JAZF1: variants seen among roughly 807,000 people sequenced by gnomAD.
JAZF1 encodes JAZF zinc finger 1.
A neutral mutation model predicts 26.4 loss-of-function variants in JAZF1; 8 were observed. The ratio of observed to expected loss-of-function variants is 0.30; its 90% CI spans 0.18 to 0.55. The LOEUF is 0.55. Ranked by LOEUF, JAZF1 falls within the 20% of genes least tolerant of loss-of-function variation. JAZF1 has a pLI of 0.94. For synonymous variants in JAZF1, 126 were observed against 122.3 expected, an observed-to-expected ratio of 1.03 and a Z score of -0.20; for missense variants, 199 against 322.0, an observed-to-expected ratio of 0.62 and a Z score of 2.92.
At chr7:27,936,166 C>T (rs1183029856) in intron 2 of JAZF1, among the ~76,000 whole-genome samples, 1 of 152,116 alleles carries the variant, frequency 6.6e-6, no homozygotes, top group African/African-American at 2.4e-5. Flanking sequence ...TTTTTTTCTT[C>T]CCCTTTACTT....
intron 1 of JAZF1, among the ~76,000 whole-genome samples, chr7:28,158,019 T>C (rs1349784377): frequency 2.0e-5 from 3 of 152,046 alleles, no homozygotes; most frequent in African/African-American, 7.2e-5. Context: ...ATTCTCTCTT[T>C]ATCTCTGCAT....
intron 3 of JAZF1, among the ~76,000 whole-genome samples, chr7:27,886,937 C>G (rs924703846): frequency 5.9e-5 from 9 of 152,148 alleles, no homozygotes; most frequent in Non-Finnish European, 1.2e-4. Context: ...AGAATGAGAT[C>G]ATGTACTTTG....
rs371682998 is a variant in JAZF1 at position 27,885,775 on chromosome 7, G to GT, written c.385+9444dup. Reference sequence around the variant, plus strand: ...ATCTCCTTCCTGAAAATTTATCCATGTCCAGAGCAGTCATTAGCAAATACC... The same window carrying GT: ...ATCTCCTTCCTGAAAATTTATCCATGTTCCAGAGCAGTCATTAGCAAATACC... On this transcript the variant is annotated intron_variant, in intron 3 of 4. Coordinates refer to ENST00000283928, the MANE Select transcript of JAZF1 (RefSeq NM_175061.4). 3.7e-3 allele frequency among the ~76,000 whole-genome samples: 562 copies of GT among 151,964 alleles called. 3 individuals are homozygous for GT. Among genetic ancestry groups the GT allele is most frequent in the African/African-American group, 0.013 (539 of 41,444 alleles).
chr7:28,033,321 A>C (rs1783225380), intron 1 of JAZF1, among the ~76,000 whole-genome samples: 1 of 152,170 alleles, frequency 6.6e-6, no homozygotes, highest in African/African-American at 2.4e-5. Flanking sequence ...GTGGATAAAG[A>C]CTTGAGGCTG....
chr7:27,890,627 T>A (rs964624546), intron 3 of JAZF1, among the ~76,000 whole-genome samples: 4 of 152,214 alleles, frequency 2.6e-5, no homozygotes, highest in African/African-American at 9.7e-5. Flanking sequence ...TAAGCCTCTA[T>A]TTCTTATCTG....
chr7:27,993,446 A>G (rs868226022), intron 1 of JAZF1, among the ~76,000 whole-genome samples: 1 of 152,236 alleles, frequency 6.6e-6, no homozygotes, highest in African/African-American at 2.4e-5. Context: ...GCAGTTTTCA[A>G]ACGTAACTCT....
chr7:28,100,738 G>A (rs748517062), intron 1 of JAZF1, among the ~76,000 whole-genome samples: 5 of 151,100 alleles, frequency 3.3e-5, no homozygotes, highest in Admixed American at 1.3e-4. Flanking sequence ...CCATCCATAT[G>A]CACTGCTTTA....
intron 1 of JAZF1, among the ~76,000 whole-genome samples, chr7:28,011,456 G>A (rs1431469193): frequency 6.6e-6 from 1 of 152,178 alleles, no homozygotes; most frequent in African/African-American, 2.4e-5. Context: ...TTCACGCAAG[G>A]ACTTCTGAAC....
chr7:28,146,854 G>GT (rs943736994), intron 1 of JAZF1, among the ~76,000 whole-genome samples: 257 of 150,010 alleles, frequency 1.7e-3, no homozygotes, highest in Non-Finnish European at 3.1e-3. Flanking sequence ...CGTTTTGGTG[G>GT]TTTTTTTTTG....
chr7:28,046,562 G>C (rs1202393338), intron 1 of JAZF1, among the ~76,000 whole-genome samples: 1 of 152,116 alleles, frequency 6.6e-6, no homozygotes, highest in Non-Finnish European at 1.5e-5. Context: ...TTTAAGTTTG[G>C]ATAGGTGTTA....
intron 2 of JAZF1, chr7:27,913,333 T>C (rs952803123): frequency 1.1e-5 from 5 of 447,288 alleles, no homozygotes; most frequent in South Asian, 6.4e-5. Flanking sequence ...TTTCTAACCA[T>C]ACAATGTGTT....
intron 1 of JAZF1, among the ~76,000 whole-genome samples, chr7:28,035,634 C>T (rs188503796): frequency 2.6e-4 from 40 of 151,972 alleles, no homozygotes; most frequent in African/African-American, 9.2e-4. Context: ...AAGGGCTGGA[C>T]GAGAGGAGTA....
At chr7:28,165,561 C>T (rs996134085) in intron 1 of JAZF1, among the ~76,000 whole-genome samples, 1 of 152,138 alleles carries the variant, frequency 6.6e-6, no homozygotes, top group African/African-American at 2.4e-5. Flanking sequence ...ACATGCAGGT[C>T]CCAGCTCCCT....
chr7:27,900,169 C>T lies in JAZF1; in HGVS notation c.189-4753G>A, dbSNP rs139734361. 4.9e-3 allele frequency among the ~76,000 whole-genome samples: 741 copies of T among 152,286 alleles called. 9 individuals carry two copies. Among genetic ancestry groups the T allele is most frequent in the African/African-American group, 0.017 (712 of 41,566 alleles). ...TCTCTGCTTTGCAATGGTGACACTGCTCTGATCTGGCAGCCGCCGTGTGCT... is the reference window on the plus strand; with the variant it reads ...TCTCTGCTTTGCAATGGTGACACTGTTCTGATCTGGCAGCCGCCGTGTGCT... On this transcript the variant is annotated intron_variant, in intron 2 of 4. Transcript: ENST00000283928.
At chr7:27,880,105 CCTTG>C (rs1005152988) in intron 3 of JAZF1, among the ~76,000 whole-genome samples, 2 of 152,196 alleles carry the variant, frequency 1.3e-5, no homozygotes, top group Non-Finnish European at 2.9e-5. Context: ...AGTTTACCCT[CCTTG>C]CTTGACAGAA....
chr7:27,934,245 A>C (rs1252844890), intron 2 of JAZF1, among the ~76,000 whole-genome samples: 2 of 152,218 alleles, frequency 1.3e-5, no homozygotes, highest in African/African-American at 4.8e-5. Flanking sequence ...TATCAGGTAA[A>C]TGTGATCTAA....
At chr7:27,932,125 CAG>C (rs1784696542) in intron 2 of JAZF1, among the ~76,000 whole-genome samples, 1 of 151,972 alleles carries the variant, frequency 6.6e-6, no homozygotes. Context: ...CGGGTAAAAA[CAG>C]AGAAGAGTTT....
At position 27,995,955 on chromosome 7, in the gene JAZF1, C is replaced by T. The variant is rs578244289; in HGVS notation, c.116-3974G>A. Among the ~76,000 whole-genome samples, 9 of 152,244 alleles carry T rather than the reference C, an allele frequency of 5.9e-5. 2 individuals carry two copies. In the South Asian group the frequency reaches 1.2e-3, roughly 21 times the overall value. On this transcript the variant is annotated intron_variant, in intron 1 of 4. Coordinates refer to ENST00000283928, the MANE Select transcript of JAZF1 (RefSeq NM_175061.4). Reference sequence around the variant, plus strand: ...TTCTCAGTAGGAACTGGAACTGCAACGTGACCAAGGAAAGGCAAACACCAC... The same window carrying T: ...TTCTCAGTAGGAACTGGAACTGCAATGTGACCAAGGAAAGGCAAACACCAC...
intron 3 of JAZF1, among the ~76,000 whole-genome samples, chr7:27,852,190 G>A (rs891215989): frequency 6.6e-6 from 1 of 150,842 alleles, no homozygotes; most frequent in African/African-American, 2.4e-5. Flanking sequence ...GGAGTGCAGT[G>A]GAGCGATCTG....
Sources: gnomAD v4.1 joint callset for allele counts (sites outside exome capture counted in the v4.1 genomes callset) on GRCh38, gnomAD v4.1.1 for gene constraint, MANE v1.5 for transcripts, NCBI Gene and HGNC (gene_info 2026-07-23, HGNC 2026-07-21) for gene names.